The following PRDM16 variants were observed in gnomAD, a reference collection of about 807,000 sequenced individuals.
PRDM16 encodes histone-lysine N-methyltransferase PRDM16.
PRDM16 carries 23 observed loss-of-function variants against 110.6 expected under a neutral mutation model. The ratio of observed to expected loss-of-function variants is 0.21; its 90% CI spans 0.15 to 0.29. PRDM16 has a LOEUF of 0.29. PRDM16 is among the 10% of genes least tolerant of loss of function. The pLI, the probability that PRDM16 is intolerant of heterozygous loss-of-function variation, is 1.00. For missense variants in PRDM16, 1,615 were observed against 1,794.3 expected, an observed-to-expected ratio of 0.90 and a Z score of 1.81; for synonymous variants, 799 against 781.8, an observed-to-expected ratio of 1.02 and a Z score of -0.37.
intron 3 of PRDM16, among the ~76,000 whole-genome samples, chr1:3,367,005 C>T (rs1172754593): frequency 4.6e-5 from 7 of 152,174 alleles, no homozygotes; most frequent in African/African-American, 9.7e-5. Flanking sequence ...CAGTGGCTCA[C>T]GCCTGTAATC....
chr1:3,278,341 C>T (rs1640637206), intron 3 of PRDM16, among the ~76,000 whole-genome samples: 1 of 152,224 alleles, frequency 6.6e-6, no homozygotes, highest in Non-Finnish European at 1.5e-5. Flanking sequence ...CTTGCAGCCA[C>T]ACCTAGGCCT....
At position 3,103,349 on chromosome 1, in the gene PRDM16, G is replaced by A. The variant is rs146784602; in HGVS notation, c.37+34053G>A. Among the ~76,000 whole-genome samples, 1,154 of 152,304 alleles carry A rather than the reference G, an allele frequency of 7.6e-3. 17 individuals carry two copies. The highest frequency in any genetic ancestry group is 0.025 in the African/African-American group (1,042 of 41,572). On this transcript the variant is annotated intron_variant, in intron 1 of 16. Coordinates refer to ENST00000270722, the MANE Select transcript of PRDM16 (RefSeq NM_022114.4). ...GCATCCTCATCTTCTAAGGGCACCC[G>A]TCCTATTGGATTAGGGCCCGTCCTA...
At chr1:3,328,669 T>C (rs1641974451) in intron 3 of PRDM16, among the ~76,000 whole-genome samples, 1 of 152,104 alleles carries the variant, frequency 6.6e-6, no homozygotes, top group South Asian at 2.1e-4. Flanking sequence ...GAGTCTGTTT[T>C]ATCAGACCCA....
intron 2 of PRDM16, among the ~76,000 whole-genome samples, chr1:3,240,510 C>T (rs1452824492): frequency 2.0e-5 from 3 of 152,120 alleles, no homozygotes; most frequent in Non-Finnish European, 2.9e-5. Context: ...GTGGGTAAAG[C>T]GGAGTGTTGG....
At chr1:3,341,801 C>A (rs551902029) in intron 3 of PRDM16, among the ~76,000 whole-genome samples, 6 of 152,262 alleles carry the variant, frequency 3.9e-5, no homozygotes, top group African/African-American at 7.2e-5. Context: ...GAACCGCCCG[C>A]GCTCTGCAGC....
At position 3,435,944 on chromosome 1, in the gene PRDM16, G is replaced by A. The variant is rs74048475; in HGVS notation, c.*2133G>A. On this transcript the variant is annotated 3_prime_UTR_variant, in exon 17 of 17. Transcript: ENST00000270722. Reference sequence around the variant, plus strand: ...TGGGGCCATGGGGTGGCCCCGCCGGGGCAGCGGGGGAGCTGCCTGCAGAAG... The same window carrying A: ...TGGGGCCATGGGGTGGCCCCGCCGGAGCAGCGGGGGAGCTGCCTGCAGAAG... 0.03 allele frequency: 6,954 copies of A among 230,722 alleles called. 460 individuals are homozygous for A. The highest frequency in any genetic ancestry group is 0.14 in the African/African-American group (6,370 of 45,258). 14.3% of individuals were successfully genotyped at this position (230,722 alleles called of 1,614,324 possible). A position where few individuals can be genotyped will look rare whatever the true frequency, so the allele number is the denominator to read the frequency against.
intron 12 of PRDM16, among the ~76,000 whole-genome samples, chr1:3,422,342 G>A (rs554167082): frequency 2.0e-5 from 3 of 151,958 alleles, no homozygotes; most frequent in East Asian, 3.9e-4. Context: ...CAGGAAGGCA[G>A]ATAGACAGAC....
At chr1:3,285,548 C>T (rs1640825940) in intron 3 of PRDM16, among the ~76,000 whole-genome samples, 2 of 152,136 alleles carry the variant, frequency 1.3e-5, no homozygotes, top group Admixed American at 1.3e-4. Context: ...CATGCTCGCT[C>T]GGGAGCTTGG....
At chr1:3,152,082 G>C (rs35005996) in intron 1 of PRDM16, among the ~76,000 whole-genome samples, 12,286 of 152,178 alleles carry the variant, frequency 0.081, 750 homozygotes, top group East Asian at 0.19. Flanking sequence ...GTTTGTACAG[G>C]ATCCAAAACA....
At chr1:3,147,421 G>GCCT (rs1643697496) in intron 1 of PRDM16, among the ~76,000 whole-genome samples, 1 of 152,098 alleles carries the variant, frequency 6.6e-6, no homozygotes. Context: ...GGAGACTGGG[G>GCCT]CCTCCGACCA....
intron 4 of PRDM16, chr1:3,394,538 G>C (rs1398690807): frequency 2.4e-6 from 1 of 418,642 alleles, no homozygotes; most frequent in African/African-American, 2.1e-5. Flanking sequence ...GCCAAGGGGC[G>C]GGCGGCCAGG....
At chr1:3,393,178 C>G (rs965217303) in intron 4 of PRDM16, among the ~76,000 whole-genome samples, 1 of 152,342 alleles carries the variant, frequency 6.6e-6, no homozygotes, top group Non-Finnish European at 1.5e-5. Context: ...CAGCCTTGCC[C>G]GTGCAACACA....
At chr1:3,300,102 C>G (rs1333796227) in intron 3 of PRDM16, among the ~76,000 whole-genome samples, 1 of 94,934 alleles carries the variant, frequency 1.1e-5, no homozygotes, top group Non-Finnish European at 2.4e-5. Context: ...TGTGATGTTT[C>G]AGATCCCAGT....
intron 1 of PRDM16, among the ~76,000 whole-genome samples, chr1:3,085,793 G>A (rs907876472): frequency 6.6e-6 from 1 of 152,210 alleles, no homozygotes; most frequent in Non-Finnish European, 1.5e-5. Context: ...TGGGCAGCAG[G>A]TGGCCCTCAG....
rs1312126634 is a variant in PRDM16, at chr1:3,359,494, G to A, written c.439-25658G>A. Among the ~76,000 whole-genome samples the A allele has an allele frequency of 2.6e-5, 4 of 152,042 alleles. No homozygotes were observed. In the South Asian group the frequency reaches 6.2e-4, roughly 24 times the overall value. On this transcript the variant is annotated intron_variant, in intron 3 of 16. Transcript: ENST00000270722. This position sits in a 1 kb window ranked among gnomAD's most constrained non-coding sequence, Gnocchi z 4.3. ...AAAAGCACAAAGCAGCAAGAATTGC[G>A]GCCCGGGAGCAGTGGCTGCAGCCTC...
chr1:3,396,969 C>T (rs1295279284), intron 5 of PRDM16, among the ~76,000 whole-genome samples: 2 of 152,186 alleles, frequency 1.3e-5, no homozygotes, highest in African/African-American at 2.4e-5. Context: ...TTATTAGCAG[C>T]AGCAACAGCA....
intron 3 of PRDM16, among the ~76,000 whole-genome samples, chr1:3,331,260 G>C (rs903067681): frequency 9.9e-5 from 15 of 152,092 alleles, no homozygotes; most frequent in Admixed American, 5.2e-4. Flanking sequence ...TGCCAGCCTG[G>C]GGGGGGCGCA....
At chr1:3,160,598 G>A (rs1455258582) in intron 1 of PRDM16, among the ~76,000 whole-genome samples, 2 of 152,210 alleles carry the variant, frequency 1.3e-5, no homozygotes, top group Non-Finnish European at 2.9e-5. Flanking sequence ...CCCACGAGGT[G>A]CAGGTGCAGG....
intron 12 of PRDM16, chr1:3,424,828 G>A (rs1428633174): frequency 1.3e-5 from 2 of 152,350 alleles, no homozygotes; most frequent in African/African-American, 2.4e-5. Flanking sequence ...AGCCCCTCCG[G>A]CTGGGAAACT....
Sources: gnomAD v4.1 joint callset for allele counts (sites outside exome capture counted in the v4.1 genomes callset) on GRCh38, gnomAD v4.1.1 for gene constraint, Gnocchi (gnomAD v3.1) non-coding constraint, MANE v1.5 for transcripts, NCBI Gene and HGNC (gene_info 2026-07-23, HGNC 2026-07-21) for gene names.